The following KSR2 variants were observed in gnomAD, a reference collection of about 807,000 sequenced individuals.
The protein encoded by KSR2 is kinase suppressor of ras 2.
KSR2 carries 25 observed loss-of-function variants against 107.8 expected under a neutral mutation model. The ratio of observed to expected loss-of-function variants is 0.23; its 90% CI spans 0.17 to 0.32. The LOEUF is 0.32. Ranked by LOEUF, KSR2 falls within the 10% of genes least tolerant of loss-of-function variation. The probability of loss-of-function intolerance (pLI) is 1.00; values close to 1 mark genes in which losing one functional copy is unlikely to be tolerated. For missense variants in KSR2, 887 were observed against 1,268.9 expected, an observed-to-expected ratio of 0.70 and a Z score of 4.57; for synonymous variants, 480 against 507.0, an observed-to-expected ratio of 0.95 and a Z score of 0.71.
At chr12:117,782,378 C>A (rs1474757062) in intron 3 of KSR2, among the ~76,000 whole-genome samples, 1 of 152,228 alleles carries the variant, frequency 6.6e-6, no homozygotes, top group Non-Finnish European at 1.5e-5. Flanking sequence ...ATCCTCCCAC[C>A]TTGGTCTCCC....
intron 1 of KSR2, among the ~76,000 whole-genome samples, chr12:117,967,767 G>A (rs112446547): frequency 6.6e-6 from 1 of 152,028 alleles, no homozygotes; most frequent in African/African-American, 2.4e-5. Flanking sequence ...TCCTCAGCGA[G>A]GAAGCGAATG....
chr12:117,953,247 C>T (rs1896416847), intron 1 of KSR2, among the ~76,000 whole-genome samples: 1 of 152,080 alleles, frequency 6.6e-6, no homozygotes, highest in African/African-American at 2.4e-5. Flanking sequence ...ACGGTTGCAG[C>T]CACTGTGGCA....
intron 5 of KSR2, among the ~76,000 whole-genome samples, chr12:117,624,281 T>A (rs1406959201): frequency 6.6e-6 from 1 of 152,262 alleles, no homozygotes; most frequent in Admixed American, 6.5e-5. Flanking sequence ...TTTGGTGTTT[T>A]AGTCACGAAG....
chr12:117,710,113 C>A (rs975689467), intron 4 of KSR2, among the ~76,000 whole-genome samples: 1 of 152,068 alleles, frequency 6.6e-6, no homozygotes, highest in African/African-American at 2.4e-5. Context: ...TTGAATCGAG[C>A]CCTGAATCTG....
chr12:117,966,200 A>G (rs952198127), intron 1 of KSR2, among the ~76,000 whole-genome samples: 7 of 152,194 alleles, frequency 4.6e-5, no homozygotes, highest in Admixed American at 6.5e-5. Context: ...AGGATGGAGC[A>G]TGTTTGAAAC....
chr12:117,865,576 T>G (rs1893441114), intron 1 of KSR2, among the ~76,000 whole-genome samples: 1 of 152,108 alleles, frequency 6.6e-6, no homozygotes. Flanking sequence ...AGGCTGGTCT[T>G]GAACTCCTGG....
chr12:117,638,212 C>T (rs987640872), intron 5 of KSR2, among the ~76,000 whole-genome samples: 15 of 152,328 alleles, frequency 9.8e-5, no homozygotes, highest in Middle Eastern at 6.8e-3. Context: ...CTTCCCACGT[C>T]TTCCTGCATA....
chr12:117,713,820 G>A, intron 4 of KSR2, among the ~76,000 whole-genome samples: 1 of 151,600 alleles, frequency 6.6e-6, no homozygotes, highest in East Asian at 1.9e-4. Flanking sequence ...AAGGGATGAG[G>A]CGAAAACACA....
At chr12:117,778,277 G>A (rs937986142) in intron 3 of KSR2, among the ~76,000 whole-genome samples, 2 of 152,040 alleles carry the variant, frequency 1.3e-5, no homozygotes, top group African/African-American at 4.8e-5. Flanking sequence ...TTTTAGTAGA[G>A]ATGGGGTTTC....
intron 7 of KSR2, among the ~76,000 whole-genome samples, chr12:117,573,524 CTTT>C (rs35130903): frequency 5.5e-5 from 6 of 108,330 alleles, no homozygotes; most frequent in Admixed American, 1.1e-4. Flanking sequence ...CACATGTTAT[CTTT>C]TTTTTTTTTT....
rs543342437 is a variant in KSR2, at chr12:117,532,387, T to C, written c.1688-680A>G. Among the ~76,000 whole-genome samples, 348 of 152,326 alleles carry C rather than the reference T, an allele frequency of 2.3e-3. 1 individual carries two copies. Among genetic ancestry groups the C allele is most frequent in the African/African-American group, 8.1e-3 (335 of 41,580 alleles). On this transcript the variant is annotated intron_variant, in intron 10 of 19. Coordinates refer to ENST00000339824, the MANE Select transcript of KSR2 (RefSeq NM_173598.6). ...TGCTTCTGTTGTGCCATCTCCTTCT[T>C]CTGCCTTTGACCTTCTTGCTTCCCT...
chr12:117,494,984 G>C (rs1872945796), intron 14 of KSR2, among the ~76,000 whole-genome samples: 1 of 152,240 alleles, frequency 6.6e-6, no homozygotes, highest in Admixed American at 6.5e-5. Context: ...AATCCAAAGA[G>C]TGTCTCCCAG....
At chr12:117,671,067 C>G (rs1398336780) in intron 4 of KSR2, among the ~76,000 whole-genome samples, 1 of 152,214 alleles carries the variant, frequency 6.6e-6, no homozygotes, top group African/African-American at 2.4e-5. Context: ...ACACCTTGGT[C>G]TGGCCCTGGG....
At chr12:117,724,360 C>A (rs944145386) in intron 4 of KSR2, among the ~76,000 whole-genome samples, 1 of 150,676 alleles carries the variant, frequency 6.6e-6, no homozygotes, top group African/African-American at 2.4e-5. Context: ...CCAAACTATA[C>A]CTAAAAATAA....
At chr12:117,769,202 T>C (rs1889350032) in intron 3 of KSR2, among the ~76,000 whole-genome samples, 1 of 152,122 alleles carries the variant, frequency 6.6e-6, no homozygotes, top group Non-Finnish European at 1.5e-5. Flanking sequence ...GAGCACAAAA[T>C]TCTAAAATCT....
chr12:117,494,074 G>A (rs1262982654), intron 14 of KSR2, among the ~76,000 whole-genome samples: 1 of 152,166 alleles, frequency 6.6e-6, no homozygotes, highest in Non-Finnish European at 1.5e-5. Context: ...TCTGGTTAAT[G>A]TTACAGGTGC....
At chr12:117,535,604 TTGTGTGTGTGTGTGTGTG>T (rs5801239) in intron 10 of KSR2, among the ~76,000 whole-genome samples, 7 of 142,230 alleles carry the variant, frequency 4.9e-5, no homozygotes, top group African/African-American at 8.0e-5. Flanking sequence ...TTTCCTGGAG[TTGTGTGTGTGTGTGTGTG>T]TGTGTGTGTG....
Position 117,761,131 on chromosome 12 carries a change from C to G in KSR2, c.866G>C (p.Gly289Ala). The G allele has an allele frequency of 6.2e-7, 1 of 1,612,508 alleles. No individual in the cohort carries two copies. ...TTTTCGGGAGGAGGGCGGTGGGGTCCCCGGGGGCTTCAGCTTGTTCTTCTT... is the reference window on the plus strand; with the variant it reads ...TTTTCGGGAGGAGGGCGGTGGGGTCGCCGGGGGCTTCAGCTTGTTCTTCTT... ...MRKKNKLKPPGTPPPSSRKLI... is the reference protein window; with the variant it reads ...MRKKNKLKPPATPPPSSRKLI... The change falls in exon 4 of 20, where the codon GGG (glycine) becomes GCG (alanine). Residue 289 changes from glycine to alanine, a missense_variant. Transcript: ENST00000339824.
At chr12:117,590,577 A>G (rs1880260839) in intron 5 of KSR2, among the ~76,000 whole-genome samples, 3 of 152,216 alleles carry the variant, frequency 2.0e-5, no homozygotes, top group Admixed American at 1.3e-4. Context: ...CACTGTCATC[A>G]TCACTCTGCC....
Sources: gnomAD v4.1 joint callset for allele counts (sites outside exome capture counted in the v4.1 genomes callset) on GRCh38, gnomAD v4.1.1 for gene constraint, MANE v1.5 for transcripts, NCBI Gene and HGNC (gene_info 2026-07-23, HGNC 2026-07-21) for gene names.